Variants in RBFOX1 observed in about 807,000 individuals in gnomAD.
The protein encoded by RBFOX1 is RNA binding fox-1 homolog 1.
RBFOX1 carries 8 observed loss-of-function variants against 57.7 expected under a neutral mutation model. The ratio of observed to expected loss-of-function variants is 0.14; its 90% CI spans 0.08 to 0.25. RBFOX1 has a LOEUF of 0.25. Among genes scored for constraint, RBFOX1 ranks in the 10% least tolerant of loss-of-function variants. The pLI, the probability that RBFOX1 is intolerant of heterozygous loss-of-function variation, is 1.00. For missense variants in RBFOX1, 611 were observed against 548.5 expected (o/e 1.11, Z -1.14); for synonymous variants, 326 against 222.4 (o/e 1.47, Z -4.15).
intron 4 of RBFOX1, among the ~76,000 whole-genome samples, chr16:7,503,655 A>C (rs967168260): frequency 6.6e-6 from 1 of 152,210 alleles, no homozygotes; most frequent in Non-Finnish European, 1.5e-5. Context: ...AAGGAGATGG[A>C]TTATGAAAGT....
At chr16:6,487,726 T>A (rs1251191646) in intron 2 of RBFOX1, among the ~76,000 whole-genome samples, 4 of 26,878 alleles carry the variant, frequency 1.5e-4, no homozygotes, top group Non-Finnish European at 1.7e-4. Flanking sequence ...TATATATATA[T>A]ATATATATAT....
At chr16:7,684,498 A>C (rs2146970167) in intron 14 of RBFOX1, among the ~76,000 whole-genome samples, 1 of 152,198 alleles carries the variant, frequency 6.6e-6, no homozygotes, top group East Asian at 1.9e-4. Context: ...AATCAAAGCC[A>C]AATATTCTCG....
At chr16:7,137,095 C>T (rs2072234976) in intron 4 of RBFOX1, among the ~76,000 whole-genome samples, 1 of 152,054 alleles carries the variant, frequency 6.6e-6, no homozygotes, top group Non-Finnish European at 1.5e-5. Context: ...AAACTGAGGC[C>T]CAGAGAAGTT....
At chr16:7,630,710 G>A in intron 11 of RBFOX1, 27 bp downstream of exon 11, 1 of 1,613,278 alleles carries the variant, frequency 6.2e-7, no homozygotes, top group African/African-American at 1.3e-5. Context: ...GGCTCTTTTT[G>A]TTTTGTGACA....
intron 3 of RBFOX1, among the ~76,000 whole-genome samples, chr16:7,021,181 G>T (rs1474580589): frequency 6.6e-6 from 1 of 151,778 alleles, no homozygotes; most frequent in African/African-American, 2.4e-5. Flanking sequence ...ACAGGACAAG[G>T]GAAACTTGTC....
intron 1 of RBFOX1, among the ~76,000 whole-genome samples, chr16:5,297,253 G>T (rs1052765662): frequency 6.6e-5 from 10 of 152,192 alleles, no homozygotes; most frequent in Non-Finnish European, 1.5e-4. Flanking sequence ...ACTGACTTCA[G>T]CTTCTTCACC....
chr16:6,641,815 T>C lies in RBFOX1; in HGVS notation c.-63-12788T>C, dbSNP rs139444420. 1.9e-3 allele frequency among the ~76,000 whole-genome samples: 277 copies of C among 149,688 alleles called. 4 individuals carry two copies. Among genetic ancestry groups the C allele is most frequent in the African/African-American group, 6.4e-3 (259 of 40,544 alleles). ...CTGAGCCTTTCAGGCCTGGCCTTGT[T>C]GCTCTGGGACTTGCTCCCTCCTCGC... On this transcript the variant is annotated intron_variant, in intron 2 of 15. Transcript: ENST00000550418.
chr16:6,687,279 C>T (rs1485970113), intron 3 of RBFOX1, among the ~76,000 whole-genome samples: 2 of 152,124 alleles, frequency 1.3e-5, no homozygotes, highest in East Asian at 3.9e-4. Flanking sequence ...ACTTTGGATA[C>T]TCAGAAGGGG....
At chr16:7,494,234 G>C (rs1320891876) in intron 4 of RBFOX1, among the ~76,000 whole-genome samples, 10 of 152,172 alleles carry the variant, frequency 6.6e-5, no homozygotes, top group Non-Finnish European at 1.3e-4. Flanking sequence ...GATTGGCCTT[G>C]CTGAAGCACA....
intron 2 of RBFOX1, among the ~76,000 whole-genome samples, chr16:6,562,883 T>TCTTTTTC (rs1555553684): frequency 8.2e-6 from 1 of 122,618 alleles, no homozygotes. Context: ...TTTCTTTCTT[T>TCTTTTTC]TTTTTTTTTT....
chr16:5,915,631 A>G (rs2058688485), intron 4 of RBFOX1, among the ~76,000 whole-genome samples: 1 of 152,158 alleles, frequency 6.6e-6, no homozygotes, highest in Non-Finnish European at 1.5e-5. Flanking sequence ...CAGGAGTTTG[A>G]GACCAGCCTG....
chr16:7,626,298 A>T (rs1253709757), intron 10 of RBFOX1, among the ~76,000 whole-genome samples: 1 of 152,214 alleles, frequency 6.6e-6, no homozygotes, highest in African/African-American at 2.4e-5. Context: ...TTCAGGGGCC[A>T]GGAATGATCC....
At chr16:7,548,285 T>G (rs979545584) in intron 5 of RBFOX1, among the ~76,000 whole-genome samples, 1 of 152,158 alleles carries the variant, frequency 6.6e-6, no homozygotes, top group African/African-American at 2.4e-5. Flanking sequence ...GCCTCCTGAA[T>G]AGCTGGAACT....
At chr16:7,089,958 G>C (rs967786699) in intron 4 of RBFOX1, among the ~76,000 whole-genome samples, 1 of 151,726 alleles carries the variant, frequency 6.6e-6, no homozygotes, top group Admixed American at 6.6e-5. Flanking sequence ...GCTGGATGCA[G>C]GCTGTTTAAG....
chr16:6,965,072 G>T (rs1331837271), intron 3 of RBFOX1, among the ~76,000 whole-genome samples: 2 of 152,074 alleles, frequency 1.3e-5, no homozygotes, highest in Admixed American at 6.6e-5. Context: ...GGGGGTGGCA[G>T]TGTTATGTAG....
At chr16:6,561,225 C>T (rs911041070) in intron 2 of RBFOX1, among the ~76,000 whole-genome samples, 2 of 152,072 alleles carry the variant, frequency 1.3e-5, no homozygotes, top group African/African-American at 2.4e-5. Flanking sequence ...CTGCTGTCTA[C>T]TAGGGAAAAG....
At chr16:5,436,306 CA>C (rs1350785972) in intron 1 of RBFOX1, among the ~76,000 whole-genome samples, 1 of 152,152 alleles carries the variant, frequency 6.6e-6, no homozygotes, top group African/African-American at 2.4e-5. Flanking sequence ...CCCTTGGTTC[CA>C]AGTTGTGGGC....
At chr16:7,398,427 A>T (rs896990784) in intron 4 of RBFOX1, among the ~76,000 whole-genome samples, 17 of 152,232 alleles carry the variant, frequency 1.1e-4, no homozygotes, top group Non-Finnish European at 1.3e-4. Context: ...AGTGTTAAAG[A>T]ATCTCAATAT....
chr16:6,047,504 G>A (rs2095507360), intron 1 of RBFOX1, among the ~76,000 whole-genome samples: 1 of 152,318 alleles, frequency 6.6e-6, no homozygotes, highest in South Asian at 2.1e-4. Flanking sequence ...CAGGATTTTG[G>A]GTGATGAGCA....
Sources: allele counts gnomAD v4.1 joint callset (sites outside exome capture counted in the v4.1 genomes callset), GRCh38; gene constraint gnomAD v4.1.1; transcripts MANE v1.5; gene names NCBI Gene and HGNC (gene_info 2026-07-23, HGNC 2026-07-21).